BRCA2: variants seen among roughly 807,000 people sequenced by gnomAD.
BRCA2 encodes breast cancer type 2 susceptibility protein.
A neutral mutation model predicts 276.7 loss-of-function variants in BRCA2; 203 were observed. The ratio of observed to expected loss-of-function variants is 0.73; its 90% CI spans 0.65 to 0.82. The LOEUF is 0.82. Ranked by LOEUF, BRCA2 falls within the 40% of genes least tolerant of loss-of-function variation. The probability of loss-of-function intolerance (pLI) is 0.00; values close to 1 mark genes in which losing one functional copy is unlikely to be tolerated. For missense variants in BRCA2, 3,920 were observed against 3,915.0 expected, an observed-to-expected ratio of 1.00 and a Z score of -0.03; for synonymous variants, 1,289 against 1,338.4, an observed-to-expected ratio of 0.96 and a Z score of 0.81.
chr13:32,351,954 A>G (rs892987995), intron 13 of BRCA2, among the ~76,000 whole-genome samples: 4 of 152,110 alleles, frequency 2.6e-5, no homozygotes, highest in African/African-American at 9.7e-5. Context: ...GGCGCGTGCC[A>G]CCATGCCCGG....
intron 24 of BRCA2, among the ~76,000 whole-genome samples, chr13:32,382,609 G>A (rs568918893): frequency 6.6e-6 from 1 of 152,322 alleles, no homozygotes; most frequent in African/African-American, 2.4e-5. Context: ...GTGGGGCAAA[G>A]GAAATGGAGG....
rs876660070 is a variant in BRCA2 at position 32,338,805 on chromosome 13, G to A, written c.4450G>A (p.Asp1484Asn). 1 of 1,613,458 alleles carries A rather than the reference G, an allele frequency of 6.2e-7. No homozygotes were observed. The highest frequency in any genetic ancestry group is 8.5e-7 in the Non-Finnish European group (1 of 1,179,824). ...KMDILSYEET[D>N]IVKHKILKES... ...GGACATTCTAAGTTATGAGGAAACA[G>A]ACATAGTTAAACACAAAATACTGAA... is the stretch of plus-strand genomic sequence containing the variant. Residue 1484 changes from aspartate to asparagine, a missense_variant, in exon 11 of 27, where the codon GAC becomes AAC. Coordinates refer to ENST00000380152, the MANE Select transcript of BRCA2 (RefSeq NM_000059.4).
chr13:32,349,390 T>G (rs2072632532), intron 13 of BRCA2, among the ~76,000 whole-genome samples: 1 of 150,702 alleles, frequency 6.6e-6, no homozygotes, highest in Admixed American at 6.6e-5. Flanking sequence ...AGAAGGAAAC[T>G]GAATGAAAGC....
intron 6 of BRCA2, 86 bp from the exon 7 acceptor site, chr13:32,326,412 TA>T: frequency 7.0e-7 from 1 of 1,434,984 alleles, no homozygotes; most frequent in Non-Finnish European, 9.8e-7. Context: ...CAGTAAACGT[TA>T]AGTGAAATAA....
intron 3 of BRCA2, among the ~76,000 whole-genome samples, chr13:32,324,369 A>G (rs774281078): frequency 2.6e-5 from 4 of 152,190 alleles, no homozygotes; most frequent in Non-Finnish European, 5.9e-5. Flanking sequence ...AGGATATGCA[A>G]ATGGTTGGGT....
At chr13:32,376,529 A>AT in intron 20 of BRCA2, 141 bp from the exon 21 acceptor site, 12 of 994,196 alleles carry the variant, frequency 1.2e-5, no homozygotes, top group Non-Finnish European at 1.8e-5. Flanking sequence ...CTCAAAAAAA[A>AT]AAAAAAGAAA....
chr13:32,355,410 T>G, intron 14 of BRCA2, 122 bp downstream of exon 14: 1 of 1,112,444 alleles, frequency 9.0e-7, no homozygotes, highest in African/African-American at 1.6e-5. Flanking sequence ...TTTTAATGTT[T>G]TAGATTTTCT....
chr13:32,358,101 GT>G (rs372755396), intron 16 of BRCA2, among the ~76,000 whole-genome samples, 172 bp downstream of exon 16: 190 of 152,270 alleles, frequency 1.2e-3, no homozygotes, highest in African/African-American at 4.3e-3. Flanking sequence ...GAAAAGTGCT[GT>G]TTGTCCTGGG....
rs1131692107 is a variant in BRCA2 at position 32,336,773 on chromosome 13, T to G, written c.2418T>G (p.Asp806Glu). The change falls in exon 11 of 27, where the codon GAT becomes GAG. Residue 806 changes from aspartate (D) to glutamate (E), a missense_variant. Transcript: ENST00000380152. ...TCAAAGGTAACAATTATGAATCTGA[T>G]GTTGAATTAACCAAAAATATTCCCA... ...DKLKGNNYES[D>E]VELTKNIPME... The G allele has an allele frequency of 6.2e-7, 1 of 1,611,068 alleles. No individual in the cohort carries two copies. The highest frequency in any genetic ancestry group is 2.2e-5 in the East Asian group (1 of 44,852).
intron 7 of BRCA2, among the ~76,000 whole-genome samples, chr13:32,327,183 C>G (rs2072356011): frequency 6.6e-6 from 1 of 152,200 alleles, no homozygotes; most frequent in Non-Finnish European, 1.5e-5. Context: ...TGCAGTGGCT[C>G]ACGCCTGTAA....
At chr13:32,394,655 A>G (rs777058908) in intron 24 of BRCA2, 34 bp from the exon 25 acceptor site, 7 of 1,601,040 alleles carry the variant, frequency 4.4e-6, no homozygotes, top group Non-Finnish European at 6.0e-6. Context: ...TAACACATCT[A>G]TAATAACATT....
chr13:32,332,239 ATATT>A, intron 9 of BRCA2, 29 bp from the exon 10 acceptor site: 1 of 1,542,344 alleles, frequency 6.5e-7, no homozygotes, highest in Non-Finnish European at 8.9e-7. Context: ...GGCTTATAAA[ATATT>A]AATGTGCTTC....
chr13:32,386,788 C>G (rs576490382), intron 24 of BRCA2, among the ~76,000 whole-genome samples: 16 of 152,230 alleles, frequency 1.1e-4, no homozygotes, highest in African/African-American at 3.9e-4. Flanking sequence ...TGGAAGATGT[C>G]TCTGGTTCTA....
rs80358533 is a variant in BRCA2 at position 32,337,185 on chromosome 13, A to T, written c.2830A>T (p.Lys944Ter). The T allele has an allele frequency of 3.7e-6, 6 of 1,613,668 alleles. No homozygotes were observed. The highest frequency in any genetic ancestry group is 1.3e-5 in the African/African-American group (1 of 74,928). Residue 944 changes from lysine (K) to a stop codon, truncating the protein, a stop_gained, in exon 11 of 27, where the codon AAA (lysine) becomes TAA (stop). Transcript: ENST00000380152. LOFTEE classifies it high-confidence loss of function. ...TAAACAAGCAACCCAAGTGTCAATT[A>T]AAAAAGATTTGGTTTATGTTCTTGC... is the stretch of plus-strand genomic sequence containing the variant. ...GDKQATQVSI[K>*]KDLVYVLAEE...
At chr13:32,350,518 G>T (rs1477562224) in intron 13 of BRCA2, among the ~76,000 whole-genome samples, 1 of 152,118 alleles carries the variant, frequency 6.6e-6, no homozygotes, top group Non-Finnish European at 1.5e-5. Context: ...GGGAGGCCGA[G>T]GCGGGTGGAT....
Position 32,333,026 on chromosome 13 carries a change from C to G in BRCA2, c.1548C>G (p.Phe516Leu), listed in dbSNP as rs2072416104. 2.5e-6 allele frequency: 4 copies of G among 1,595,700 alleles called. No individual in the cohort carries two copies. The highest frequency in any genetic ancestry group is 3.4e-6 in the Non-Finnish European group (4 of 1,175,242). Reference protein sequence around the residue: ...FRIRESPKETFNASFSGHMTD... With the variant: ...FRIRESPKETLNASFSGHMTD... ...TAAGAGAATCACCTAAAGAGACTTT[C>G]AATGCAAGTTTTTCAGGTCATATGA... The change falls in exon 10 of 27, where the codon TTC becomes TTG. Residue 516 changes from phenylalanine (F) to leucine (L), a missense_variant. Phe to Leu is a conservative substitution (Grantham distance 22). Coordinates refer to ENST00000380152, the MANE Select transcript of BRCA2 (RefSeq NM_000059.4).
intron 20 of BRCA2, among the ~76,000 whole-genome samples, chr13:32,372,309 TA>T (rs1345839418): frequency 6.6e-6 from 1 of 152,188 alleles, no homozygotes; most frequent in African/African-American, 2.4e-5. Context: ...TGCTTATCCA[TA>T]AGAAGCAGCT....
rs80359151 is a variant in BRCA2, at chr13:32,379,795, T to C, written c.8999T>C (p.Leu3000Ser). 1 of 1,612,560 alleles carries C rather than the reference T, an allele frequency of 6.2e-7. No individual in the cohort carries two copies. The highest frequency in any genetic ancestry group is 1.3e-5 in the African/African-American group (1 of 74,888). Residue 3000 changes from leucine to serine, a missense_variant, in exon 23 of 27, where the codon TTA becomes TCA. Leu to Ser is a moderately radical substitution (Grantham distance 145, BLOSUM62 -2). Transcript: ENST00000380152. ...CCATCATCAGATTTATATTCTCTGTTAACAGAAGGAAAGAGATACAGAATT... is the reference window on the plus strand; with the variant it reads ...CCATCATCAGATTTATATTCTCTGTCAACAGAAGGAAAGAGATACAGAATT... ...WRPSSDLYSLLTEGKRYRIYH... is the reference protein window; with the variant it reads ...WRPSSDLYSLSTEGKRYRIYH...
At chr13:32,367,538 TCA>T (rs1411849706) in intron 18 of BRCA2, among the ~76,000 whole-genome samples, 2 of 151,160 alleles carry the variant, frequency 1.3e-5, no homozygotes, top group Non-Finnish European at 2.9e-5. Flanking sequence ...GCACAGTGTC[TCA>T]CGCGTGTAAT....
Sources: allele counts gnomAD v4.1 joint callset (sites outside exome capture counted in the v4.1 genomes callset), GRCh38; gene constraint gnomAD v4.1.1; transcripts MANE v1.5; gene names NCBI Gene and HGNC (gene_info 2026-07-23, HGNC 2026-07-21).